DEPDC5: variants seen among roughly 807,000 people sequenced by gnomAD.
DEPDC5 encodes DEP domain containing 5, GATOR1 subcomplex subunit.
Under a neutral mutation model 217.3 loss-of-function variants are expected in DEPDC5, and 73 were observed. The ratio of observed to expected loss-of-function variants is 0.34; its 90% CI spans 0.28 to 0.41. DEPDC5 has a LOEUF of 0.41. DEPDC5 is among the 10% of genes least tolerant of loss of function. The pLI, the probability that DEPDC5 is intolerant of heterozygous loss-of-function variation, is 1.00. For synonymous variants in DEPDC5, 733 were observed against 756.7 expected, an observed-to-expected ratio of 0.97 and a Z score of 0.51; for missense variants, 1,675 against 2,070.1, an observed-to-expected ratio of 0.81 and a Z score of 3.70.
chr22:31,798,892 C>T (rs1197004543), intron 14 of DEPDC5, among the ~76,000 whole-genome samples: 59 of 152,142 alleles, frequency 3.9e-4, no homozygotes, highest in Admixed American at 3.9e-3. Context: ...GGAACACGTC[C>T]ACCTTAGGTA....
rs757571243 is a variant in DEPDC5 at position 31,835,981 on chromosome 22, A to G, written c.2171-991A>G. 2.0e-5 allele frequency among the ~76,000 whole-genome samples: 3 copies of G among 152,274 alleles called. No homozygotes were observed. In the East Asian group the frequency reaches 5.8e-4, roughly 29 times the overall value. The stretch of plus-strand genomic sequence containing the variant: ...CAAAAATAAAGTGAGTATCCCATTC[A>G]GAACTTAGAGACAAACGCTCAGAGT... On this transcript the variant is annotated intron_variant, in intron 25 of 42. Coordinates refer to ENST00000651528, the MANE Select transcript of DEPDC5 (RefSeq NM_001242896.3).
chr22:31,798,476 C>G (rs2086504887), intron 13 of DEPDC5, 106 bp from the exon 14 acceptor site: 1 of 900,512 alleles, frequency 1.1e-6, no homozygotes, highest in Admixed American at 2.4e-5. Context: ...CAAGATTGTG[C>G]TGCTCCACTC....
At chr22:31,880,537 C>T (rs1241491544) in intron 38 of DEPDC5, among the ~76,000 whole-genome samples, 1 of 152,208 alleles carries the variant, frequency 6.6e-6, no homozygotes, top group East Asian at 1.9e-4. Flanking sequence ...GCTTTGTTTG[C>T]CTGTAATCGC....
At chr22:31,886,182 C>T (rs889210328) in intron 38 of DEPDC5, among the ~76,000 whole-genome samples, 5 of 152,094 alleles carry the variant, frequency 3.3e-5, no homozygotes, top group African/African-American at 7.2e-5. Flanking sequence ...CCATCATGCC[C>T]GGCTAGTTTT....
In DEPDC5 at chr22:31,906,224, G is replaced by C; in HGVS notation, c.4539G>C (p.Leu1513=). ...IHVTGTVFLQ[L]PYSKRKFSGQ... ...CTTCAGGAACAGTGTTTCTGCAGCT[G>C]CCCTACTCCAAGCGCAAGTTCTCAG... Residue 1513 remains leucine, a synonymous_variant, in exon 43 of 43, where the codon CTG becomes CTC. Transcript: ENST00000651528. This position sits in a 1 kb window ranked among gnomAD's most constrained non-coding sequence, Gnocchi z 5.1. The C allele has an allele frequency of 6.2e-7, 1 of 1,613,936 alleles. No individual in the cohort carries two copies.
rs561857824 is a variant in DEPDC5, at chr22:31,807,144, A to G, written c.1287+953A>G. On this transcript the variant is annotated intron_variant, in intron 18 of 42. Coordinates refer to ENST00000651528, the MANE Select transcript of DEPDC5 (RefSeq NM_001242896.3). ...CTACAAAAAGTGTGGTGAAATTGAC[A>G]CTTGAGTACCTGGTTGGTGTACCAT... Among the ~76,000 whole-genome samples the G allele has an allele frequency of 2.0e-5, 3 of 152,342 alleles. No individual in the cohort carries two copies. In the East Asian group the frequency reaches 5.8e-4, roughly 29 times the overall value.
At chr22:31,800,061 A>G (rs912271686) in intron 14 of DEPDC5, among the ~76,000 whole-genome samples, 3 of 152,070 alleles carry the variant, frequency 2.0e-5, no homozygotes, top group Non-Finnish European at 2.9e-5. Context: ...TTGGCCTCCC[A>G]AAGTGCTGGG....
At chr22:31,867,105 G>C (rs2092710246) in intron 33 of DEPDC5, among the ~76,000 whole-genome samples, 1 of 152,172 alleles carries the variant, frequency 6.6e-6, no homozygotes, top group African/African-American at 2.4e-5. Context: ...AAGATGAAAG[G>C]CATCTCCCTT....
At chr22:31,809,765 A>C in intron 19 of DEPDC5, 118 bp downstream of exon 19, 1 of 991,176 alleles carries the variant, frequency 1.0e-6, no homozygotes, top group Non-Finnish European at 1.5e-6. Context: ...GGATCACCTG[A>C]GGTCAGGAGT....
At chr22:31,776,277 AT>A (rs1245864458) in intron 7 of DEPDC5, among the ~76,000 whole-genome samples, 5 of 151,474 alleles carry the variant, frequency 3.3e-5, no homozygotes, top group African/African-American at 4.8e-5. Context: ...TACCTGCCTA[AT>A]TTTTTGTATT....
chr22:31,843,999 G>A (rs1415631674), intron 29 of DEPDC5, among the ~76,000 whole-genome samples, 187 bp downstream of exon 29: 1 of 152,074 alleles, frequency 6.6e-6, no homozygotes, highest in Non-Finnish European at 1.5e-5. Context: ...GCCGAGGTTG[G>A]CAGATCACCT....
chr22:31,794,040 T>G (rs985886992), intron 12 of DEPDC5, among the ~76,000 whole-genome samples: 1 of 152,212 alleles, frequency 6.6e-6, no homozygotes, highest in Admixed American at 6.6e-5. Context: ...TGTGGAAATT[T>G]GGACACAGAG....
chr22:31,852,220 T>C (rs1032048971), intron 31 of DEPDC5, among the ~76,000 whole-genome samples: 3 of 152,176 alleles, frequency 2.0e-5, no homozygotes, highest in Non-Finnish European at 1.5e-5. Flanking sequence ...AATAATAGAC[T>C]GGTATAATAA....
intron 25 of DEPDC5, among the ~76,000 whole-genome samples, chr22:31,834,555 C>G (rs1474335031): frequency 6.7e-6 from 1 of 148,970 alleles, no homozygotes; most frequent in African/African-American, 2.5e-5. Context: ...CTTGCTCTGT[C>G]ACCCAGGCTG....
chr22:31,794,571 A>G (rs1241447586), intron 12 of DEPDC5, among the ~76,000 whole-genome samples: 2 of 152,136 alleles, frequency 1.3e-5, no homozygotes. Context: ...TGCAAAAACA[A>G]TACAGGTTCA....
In DEPDC5 at chr22:31,906,556, C is replaced by T. The variant is rs2093763451; in HGVS notation, c.*59C>T. ...TGAGCCACTGCCCTCAAACCCGGGGCGGAGGATTCCAGGCAGGCTCTAGGA... is the reference window on the plus strand; with the variant it reads ...TGAGCCACTGCCCTCAAACCCGGGGTGGAGGATTCCAGGCAGGCTCTAGGA... On this transcript the variant is annotated 3_prime_UTR_variant, in exon 43 of 43. Transcript: ENST00000651528. The surrounding 1 kb of genome is among the most constrained non-coding windows in gnomAD (Gnocchi z 5.1). 41 of 1,585,584 alleles carry T rather than the reference C, an allele frequency of 2.6e-5. No homozygotes were observed. The South Asian group carries it at 3.8e-4, about 15-fold the overall frequency.
chr22:31,821,562 A>G lies in DEPDC5; in HGVS notation c.1931A>G (p.Gln644Arg). ...ACCCGACAGAATATGGCGGAGCTAC[A>G]AGGCAGCGGGCAGAGGGATCCAACT... ...HQTRQNMAEL[Q>R]GSGQRDPTHS... Residue 644 changes from glutamine to arginine, a missense_variant, in exon 23 of 43, where the codon CAA becomes CGA. By Grantham distance (43) the Gln-to-Arg change is conservative. This residue lies in a region of DEPDC5 where 136 missense variants were observed against 132.2 expected (regional missense o/e 1.03). Transcript: ENST00000651528. 3 of 1,614,202 alleles carry G rather than the reference A, an allele frequency of 1.9e-6. No individual in the cohort carries two copies.
rs534317471 is a variant in DEPDC5 at position 31,812,763 on chromosome 22, G to T, written c.1445+2122G>T. 1.1e-3 allele frequency among the ~76,000 whole-genome samples: 124 copies of T among 112,650 alleles called. 2 individuals are homozygous for T. The highest frequency in any genetic ancestry group is 3.6e-3 in the African/African-American group (115 of 32,210). 73.9% of individuals were successfully genotyped at this position (112,650 alleles called of 152,430 possible). A position where few individuals can be genotyped will look rare whatever the true frequency, so the allele number is the denominator to read the frequency against. On this transcript the variant is annotated intron_variant, in intron 20 of 42. Transcript: ENST00000651528. ...CTTTCTTTTTTTTTTTTTTTGAGTT[G>T]GAGTTTTGCTCTTGTTGCCCAGGCT...
At chr22:31,814,274 A>G (rs1381859752) in intron 20 of DEPDC5, 2 of 152,210 alleles carry the variant, frequency 1.3e-5, no homozygotes, top group Admixed American at 6.5e-5. Flanking sequence ...GCTGATTAGT[A>G]TATGTTTCAA....
Sources: allele counts gnomAD v4.1 joint callset (sites outside exome capture counted in the v4.1 genomes callset), GRCh38; gene constraint gnomAD v4.1.1; regional missense constraint gnomAD v4.1.1; non-coding constraint Gnocchi (gnomAD v3.1); transcripts MANE v1.5; gene names NCBI Gene and HGNC (gene_info 2026-07-23, HGNC 2026-07-21).